KLF12: variants seen among roughly 807,000 people sequenced by gnomAD.
KLF12 encodes the protein Krueppel-like factor 12.
In KLF12, 9 loss-of-function variants were observed where a neutral mutation model predicts 37.8. The observed-to-expected ratio is 0.24, with a 90% confidence interval of 0.14 to 0.42. The LOEUF (loss-of-function observed/expected upper bound fraction) is 0.42, where lower values mean the gene tolerates loss of function less well. Ranked by LOEUF, KLF12 falls within the 10% of genes least tolerant of loss-of-function variation. KLF12 has a pLI of 1.00. For missense variants in KLF12, 411 were observed against 516.0 expected (o/e 0.80, Z 1.97); for synonymous variants, 208 against 202.1 (o/e 1.03, Z -0.25).
At chr13:74,247,824 A>G in the KLF12 span, among the ~76,000 whole-genome samples, 1 of 152,152 alleles carries the variant, frequency 6.6e-6, no homozygotes, top group Admixed American at 6.5e-5. Context: ...GAGATGTAAC[A>G]GTGACCAAAT....
intron 1 of KLF12, among the ~76,000 whole-genome samples, chr13:74,034,193 G>A (rs1893186739): frequency 6.6e-6 from 1 of 152,074 alleles, no homozygotes; most frequent in Non-Finnish European, 1.5e-5. Context: ...CTCCCAAGTA[G>A]CTGGGATTAG....
intron 5 of KLF12, among the ~76,000 whole-genome samples, chr13:73,794,111 T>A (rs1309385574): frequency 6.6e-6 from 1 of 152,208 alleles, no homozygotes; most frequent in East Asian, 1.9e-4. Flanking sequence ...GGTTATCAGC[T>A]CCTCAAGCCA....
At chr13:74,005,499 A>T (rs1323746758) in intron 1 of KLF12, among the ~76,000 whole-genome samples, 1 of 152,220 alleles carries the variant, frequency 6.6e-6, no homozygotes, top group African/African-American at 2.4e-5. Flanking sequence ...CCAATAAATC[A>T]AATCTGTGAA....
the KLF12 span, among the ~76,000 whole-genome samples, chr13:74,286,427 CA>C: frequency 6.6e-6 from 1 of 151,926 alleles, no homozygotes; most frequent in Non-Finnish European, 1.5e-5. Context: ...TCCAGGAAGA[CA>C]AGATGAAAAG....
intron 1 of KLF12, among the ~76,000 whole-genome samples, chr13:74,130,906 A>C (rs1430060830): frequency 2.0e-5 from 3 of 152,204 alleles, no homozygotes; most frequent in Non-Finnish European, 2.9e-5. Context: ...CTCCAATTTA[A>C]TGTGATCATT....
chr13:73,962,915 T>G (rs1312226685), intron 2 of KLF12, among the ~76,000 whole-genome samples: 9 of 152,214 alleles, frequency 5.9e-5, no homozygotes, highest in Non-Finnish European at 1.2e-4. Flanking sequence ...CTCAAGAGTT[T>G]TGAAGAAACA....
At chr13:74,065,985 T>C (rs1439129365) in intron 1 of KLF12, among the ~76,000 whole-genome samples, 5 of 152,020 alleles carry the variant, frequency 3.3e-5, no homozygotes, top group African/African-American at 1.2e-4. Flanking sequence ...ATAGAAGACA[T>C]TCCTGGGGAC....
At chr13:73,943,919 C>G in intron 3 of KLF12, 62 bp downstream of exon 3, 1 of 984,328 alleles carries the variant, frequency 1.0e-6, no homozygotes. Flanking sequence ...CCTCAGGATG[C>G]TCTGCAGAAG....
chr13:74,046,553 G>C (rs1264781692), intron 1 of KLF12, among the ~76,000 whole-genome samples: 3 of 151,894 alleles, frequency 2.0e-5, no homozygotes, highest in African/African-American at 7.3e-5. Context: ...AAGAAGAAAG[G>C]AAAAGAAAAA....
chr13:73,975,706 C>G (rs1891496291), intron 2 of KLF12, among the ~76,000 whole-genome samples: 1 of 152,170 alleles, frequency 6.6e-6, no homozygotes, highest in African/African-American at 2.4e-5. Context: ...TCTCTGAGCA[C>G]TTTACTCTCA....
At chr13:74,134,774 C>T (rs1403138294), upstream of KLF12, among the ~76,000 whole-genome samples, 1 of 151,952 alleles carries the variant, frequency 6.6e-6, no homozygotes, top group African/African-American at 2.4e-5. Context: ...CAGAGCGCGC[C>T]AGACAGGCTT....
chr13:74,088,113 T>A (rs1486113865), intron 1 of KLF12, among the ~76,000 whole-genome samples: 1 of 152,140 alleles, frequency 6.6e-6, no homozygotes, highest in African/African-American at 2.4e-5. Context: ...CACAAAGAGA[T>A]ACAAACTCCA....
At chr13:74,151,985 C>T in the KLF12 span, among the ~76,000 whole-genome samples, 1 of 152,108 alleles carries the variant, frequency 6.6e-6, no homozygotes, top group Non-Finnish European at 1.5e-5. Context: ...AGCAGCACTC[C>T]TGGAGAATAA....
At chr13:74,048,364 C>T (rs1296118645) in intron 1 of KLF12, among the ~76,000 whole-genome samples, 1 of 152,112 alleles carries the variant, frequency 6.6e-6, no homozygotes, top group African/African-American at 2.4e-5. Context: ...GTTTCTGTAA[C>T]TTCCAATAAG....
intron 3 of KLF12, among the ~76,000 whole-genome samples, chr13:73,856,475 C>G (rs1885616657): frequency 6.6e-6 from 1 of 152,146 alleles, no homozygotes; most frequent in South Asian, 2.1e-4. Context: ...GAACTAATAA[C>G]TACACATTTA....
intron 3 of KLF12, among the ~76,000 whole-genome samples, chr13:73,852,642 T>C (rs1226080818): frequency 3.3e-5 from 5 of 151,382 alleles, no homozygotes; most frequent in Non-Finnish European, 5.9e-5. Context: ...CCGGGCGTGG[T>C]GGCGCGTGCC....
At chr13:73,753,609 G>C (rs899575675) in intron 6 of KLF12, among the ~76,000 whole-genome samples, 2 of 150,756 alleles carry the variant, frequency 1.3e-5, no homozygotes, top group Non-Finnish European at 2.9e-5. Context: ...TTTTACTGAA[G>C]AGGGAACAGA....
intron 3 of KLF12, among the ~76,000 whole-genome samples, chr13:73,871,056 C>T (rs1886438239): frequency 6.6e-6 from 1 of 152,202 alleles, no homozygotes; most frequent in Non-Finnish European, 1.5e-5. Context: ...CCTGAAGCAT[C>T]AAGCTCCTCA....
intron 3 of KLF12, among the ~76,000 whole-genome samples, chr13:73,928,093 T>A (rs1889489397): frequency 1.3e-5 from 2 of 152,128 alleles, no homozygotes. Context: ...CTTGACCTCA[T>A]GATCTGCCTG....
Sources: gnomAD v4.1 joint callset for allele counts (sites outside exome capture counted in the v4.1 genomes callset) on GRCh38, gnomAD v4.1.1 for gene constraint, MANE v1.5 for transcripts, NCBI Gene and HGNC (gene_info 2026-07-23, HGNC 2026-07-21) for gene names.